The following CELF2 variants were observed in gnomAD, a reference collection of about 807,000 sequenced individuals.
CELF2 encodes the protein CUGBP Elav-like family member 2.
In CELF2, 8 loss-of-function variants were observed where a neutral mutation model predicts 62.6. That is an observed-to-expected ratio of 0.13 (90% CI 0.07 to 0.23). The LOEUF (loss-of-function observed/expected upper bound fraction) is 0.23, where lower values mean the gene tolerates loss of function less well. Ranked by LOEUF, CELF2 falls within the 10% of genes least tolerant of loss-of-function variation. The pLI is 1.00. For synonymous variants in CELF2, 258 were observed against 250.0 expected (o/e 1.03, Z -0.30); for missense variants, 333 against 671.0 (o/e 0.50, Z 5.56).
chr10:10,595,800 G>T, the CELF2 span, among the ~76,000 whole-genome samples: 1 of 152,192 alleles, frequency 6.6e-6, no homozygotes, highest in Non-Finnish European at 1.5e-5. Context: ...GGAGGCTGAG[G>T]TAGGCAAATT....
chr10:11,245,405 C>A (rs921120625), intron 3 of CELF2, among the ~76,000 whole-genome samples: 1 of 152,170 alleles, frequency 6.6e-6, no homozygotes, highest in Non-Finnish European at 1.5e-5. Flanking sequence ...GATTGAACAC[C>A]TTTCTCTAAG....
upstream of CELF2, among the ~76,000 whole-genome samples, chr10:11,000,448 CTT>C (rs1163201761): frequency 1.3e-5 from 2 of 152,142 alleles, no homozygotes; most frequent in East Asian, 3.9e-4. Context: ...AAATGTGACA[CTT>C]TATCATGATA....
At chr10:11,233,961 A>C (rs10159662) in intron 3 of CELF2, among the ~76,000 whole-genome samples, 7,216 of 152,282 alleles carry the variant, frequency 0.047, 548 homozygotes, top group African/African-American at 0.16. Flanking sequence ...ATATGTGAAC[A>C]TTGCTGCATC....
the CELF2 span, among the ~76,000 whole-genome samples, chr10:10,749,983 T>C: frequency 2.0e-5 from 3 of 152,194 alleles, no homozygotes; most frequent in Non-Finnish European, 4.4e-5. Flanking sequence ...TAGAATGATC[T>C]ATCAAAAGCA....
chr10:10,690,627 C>G, the CELF2 span, among the ~76,000 whole-genome samples: 1 of 152,198 alleles, frequency 6.6e-6, no homozygotes, highest in Non-Finnish European at 1.5e-5. Flanking sequence ...TGCCTATAAT[C>G]TCAGCACTTT....
rs1217347854 is a variant in CELF2 at position 11,051,142 on chromosome 10, T to C, written c.74+32979T>C. On this transcript the variant is annotated intron_variant, in intron 1 of 12. Coordinates refer to ENST00000633077, the MANE Select transcript of CELF2 (RefSeq NM_001326342.2). Reference sequence around the variant, plus strand: ...GGGCCAGGTCTGGGAGGGGTAAGGATTGTGAGCTCAATCTCTATAGTCTTT... The same window carrying C: ...GGGCCAGGTCTGGGAGGGGTAAGGACTGTGAGCTCAATCTCTATAGTCTTT... 3.3e-5 allele frequency among the ~76,000 whole-genome samples: 5 copies of C among 152,250 alleles called. No homozygotes were observed. In the South Asian group the frequency reaches 1.0e-3, roughly 32 times the overall value.
chr10:11,313,008 T>G lies in CELF2; in HGVS notation c.977-1131T>G, dbSNP rs115557589. On this transcript the variant is annotated intron_variant, in intron 9 of 12. Coordinates refer to ENST00000633077, the MANE Select transcript of CELF2 (RefSeq NM_001326342.2). Reference sequence around the variant, plus strand: ...TAGGACAAAATCTAAATACCCCTAGTAAAAGACTTAAATTATCAGGCTGTG... The same window carrying G: ...TAGGACAAAATCTAAATACCCCTAGGAAAAGACTTAAATTATCAGGCTGTG... 1.3e-3 allele frequency among the ~76,000 whole-genome samples: 196 copies of G among 152,268 alleles called. 1 individual carries two copies. Among genetic ancestry groups the G allele is most frequent in the African/African-American group, 4.5e-3 (186 of 41,542 alleles).
At chr10:10,799,697 ACCT>A (rs1375220111) in intron 1 of CELF2, among the ~76,000 whole-genome samples, 1 of 148,158 alleles carries the variant, frequency 6.7e-6, no homozygotes, top group Non-Finnish European at 1.5e-5. Context: ...GTGCACTCTG[ACCT>A]CCTCATCTCT....
At chr10:10,954,698 A>T (rs2048714236) in intron 2 of CELF2, among the ~76,000 whole-genome samples, 1 of 152,222 alleles carries the variant, frequency 6.6e-6, no homozygotes, top group Non-Finnish European at 1.5e-5. Flanking sequence ...ATGGTAGAAA[A>T]CATCCTCAAC....
At chr10:10,531,513 G>T in the CELF2 span, among the ~76,000 whole-genome samples, 1 of 152,146 alleles carries the variant, frequency 6.6e-6, no homozygotes, top group Admixed American at 6.5e-5. Flanking sequence ...ATATCCTCCA[G>T]TTCCTGACTT....
intron 1 of CELF2, among the ~76,000 whole-genome samples, chr10:11,053,612 C>CTTTTTT (rs35886208): frequency 8.2e-5 from 10 of 122,412 alleles, no homozygotes; most frequent in African/African-American, 2.1e-4. Context: ...TCTGATATTT[C>CTTTTTT]TTTTTTTTTT....
chr10:10,815,276 T>C (rs1296527901), intron 1 of CELF2, among the ~76,000 whole-genome samples: 1 of 152,198 alleles, frequency 6.6e-6, no homozygotes, highest in Non-Finnish European at 1.5e-5. Flanking sequence ...ATTTTACCTT[T>C]GGGCAACTGG....
At position 11,207,207 on chromosome 10, in the gene CELF2, T is replaced by C. The variant is rs1177446328; in HGVS notation, c.272-10218T>C. 6.6e-6 allele frequency among the ~76,000 whole-genome samples: 1 copy of C among 152,224 alleles called. No individual in the cohort carries two copies. Among genetic ancestry groups the C allele is most frequent in the Non-Finnish European group, 1.5e-5 (1 of 68,034 alleles). On this transcript the variant is annotated intron_variant, in intron 2 of 12. Coordinates refer to ENST00000633077, the MANE Select transcript of CELF2 (RefSeq NM_001326342.2). The surrounding 1 kb of genome is among the most constrained non-coding windows in gnomAD (Gnocchi z 4.1). The stretch of plus-strand genomic sequence containing the variant: ...CTGTGCATATTAGGCTGCACTTGCT[T>C]TCCCAAGAGGCTTGAAAATGCAGTC...
rs138157600 is a variant in CELF2 at position 11,075,458 on chromosome 10, C to T, written c.74+57295C>T. On this transcript the variant is annotated intron_variant, in intron 1 of 12. Coordinates refer to ENST00000633077, the MANE Select transcript of CELF2 (RefSeq NM_001326342.2). The surrounding 1 kb of genome is among the most constrained non-coding windows in gnomAD (Gnocchi z 5.4). ...CAGTCCTGGTATACAGATACATGTA[C>T]GATGTGATAAAGTTTGTGAGATGGT... is the stretch of plus-strand genomic sequence containing the variant. 5 of 152,136 alleles carry T rather than the reference C, an allele frequency of 3.3e-5. No individual in the cohort carries two copies. The East Asian group carries it at 5.8e-4, about 18-fold the overall frequency. 9.4% of individuals were successfully genotyped at this position (152,136 alleles called of 1,614,324 possible).
the CELF2 span, among the ~76,000 whole-genome samples, chr10:10,763,242 T>C: frequency 6.6e-6 from 1 of 152,236 alleles, no homozygotes; most frequent in Non-Finnish European, 1.5e-5. Context: ...GTTTTTCCTT[T>C]ACGCAAAAGA....
rs569494161 is a variant in CELF2, at chr10:11,270,414, G to A, written c.619-252G>A. On this transcript the variant is annotated intron_variant, in intron 6 of 12. Coordinates refer to ENST00000633077, the MANE Select transcript of CELF2 (RefSeq NM_001326342.2). The surrounding 1 kb of genome is among the most constrained non-coding windows in gnomAD (Gnocchi z 5.8). ...AGACACAGGAAGAGAAGGAGAGGCA[G>A]TTACTAATCAGAGCAAGAAAGCAAG... Among the ~76,000 whole-genome samples the A allele has an allele frequency of 6.6e-6, 1 of 152,240 alleles. No homozygotes were observed. Among genetic ancestry groups the A allele is most frequent in the South Asian group, 2.1e-4 (1 of 4,818 alleles).
the CELF2 span, among the ~76,000 whole-genome samples, chr10:10,620,189 G>A: frequency 6.6e-6 from 1 of 152,148 alleles, no homozygotes; most frequent in South Asian, 2.1e-4. Context: ...AGTTGTATTG[G>A]AATATAGCCA....
At chr10:11,119,869 C>CG (rs1554849817) in intron 1 of CELF2, among the ~76,000 whole-genome samples, 13 of 132,952 alleles carry the variant, frequency 9.8e-5, no homozygotes, top group African/African-American at 5.5e-5. Context: ...CCGCCTCCCC[C>CG]CCCCCGGCCC....
At chr10:10,813,193 C>G (rs2056105249) in intron 1 of CELF2, among the ~76,000 whole-genome samples, 1 of 152,188 alleles carries the variant, frequency 6.6e-6, no homozygotes, top group Non-Finnish European at 1.5e-5. Flanking sequence ...TGTGCTGTCT[C>G]TGAGCTGGAG....
Sources: gnomAD v4.1 joint callset for allele counts (sites outside exome capture counted in the v4.1 genomes callset) on GRCh38, gnomAD v4.1.1 for gene constraint, Gnocchi (gnomAD v3.1) non-coding constraint, MANE v1.5 for transcripts, NCBI Gene and HGNC (gene_info 2026-07-23, HGNC 2026-07-21) for gene names.